Variants in MTRF1 observed in about 807,000 individuals in gnomAD.
MTRF1 encodes the protein peptide chain release factor 1, mitochondrial.
MTRF1 carries 51 observed loss-of-function variants against 62.9 expected under a neutral mutation model. The ratio of observed to expected loss-of-function variants is 0.81; its 90% CI spans 0.65 to 1.02. MTRF1 has a LOEUF of 1.02. MTRF1 is among the 50% of genes least tolerant of loss of function. The pLI is 0.00. For synonymous variants in MTRF1, 158 were observed against 181.9 expected, an observed-to-expected ratio of 0.87 and a Z score of 1.06; for missense variants, 446 against 530.0, an observed-to-expected ratio of 0.84 and a Z score of 1.56.
At chr13:41,288,859 G>A in the MTRF1 span, among the ~76,000 whole-genome samples, 1 of 152,178 alleles carries the variant, frequency 6.6e-6, no homozygotes, top group Non-Finnish European at 1.5e-5. Flanking sequence ...AATGCATTTG[G>A]TTCAGGAACT....
chr13:41,305,855 T>TGTCCCTCATAGGACTTGCTTTAA, the MTRF1 span, among the ~76,000 whole-genome samples: 2 of 152,256 alleles, frequency 1.3e-5, no homozygotes, highest in Non-Finnish European at 2.9e-5. Flanking sequence ...CCTTGCTTTG[T>TGTCCCTCATAGGACTTGCTTTAA]GTCCCTCATA....
chr13:41,231,153 G>C (rs149405988), intron 7 of MTRF1, among the ~76,000 whole-genome samples: 251 of 152,338 alleles, frequency 1.6e-3, no homozygotes, highest in African/African-American at 5.8e-3. Flanking sequence ...AAAGTGGATG[G>C]AAGAATGGTA....
chr13:41,297,211 T>C, the MTRF1 span, among the ~76,000 whole-genome samples: 1 of 152,192 alleles, frequency 6.6e-6, no homozygotes, highest in South Asian at 2.1e-4. Flanking sequence ...CTGATTCTTT[T>C]TGTATTTTGT....
At chr13:41,255,434 G>A (rs1266837029) in intron 2 of MTRF1, among the ~76,000 whole-genome samples, 1 of 152,234 alleles carries the variant, frequency 6.6e-6, no homozygotes, top group Non-Finnish European at 1.5e-5. Flanking sequence ...ACTAATGCCT[G>A]TAATCCCAGC....
the MTRF1 span, among the ~76,000 whole-genome samples, chr13:41,275,274 C>A: frequency 2.6e-5 from 4 of 151,596 alleles, no homozygotes; most frequent in African/African-American, 9.7e-5. Flanking sequence ...GATCTCAGCT[C>A]GCTGCAAGCT....
the MTRF1 span, among the ~76,000 whole-genome samples, chr13:41,290,112 T>A: frequency 6.8e-6 from 1 of 146,058 alleles, no homozygotes; most frequent in African/African-American, 2.5e-5. Flanking sequence ...TTTTTTTTTT[T>A]TTGAGATGGA....
intron 1 of MTRF1, chr13:41,261,675 A>G (rs2040470390): frequency 3.1e-6 from 1 of 325,498 alleles, no homozygotes; most frequent in Non-Finnish European, 4.4e-6. Context: ...CTAGATATCC[A>G]AGGAAGTCAA....
At chr13:41,272,502 A>T in the MTRF1 span, among the ~76,000 whole-genome samples, 4 of 152,216 alleles carry the variant, frequency 2.6e-5, no homozygotes, top group African/African-American at 9.7e-5. Context: ...CACTCAGATT[A>T]GACCAACTGA....
intron 9 of MTRF1, among the ~76,000 whole-genome samples, chr13:41,221,282 C>T (rs1160265213): frequency 6.6e-6 from 1 of 151,956 alleles, no homozygotes; most frequent in East Asian, 1.9e-4. Flanking sequence ...TCAACCTCCC[C>T]AGTAGCTGGG....
rs2033761047 is a variant in MTRF1, at chr13:41,223,225, A to C, written c.1224+31T>G. The C allele has an allele frequency of 2.7e-6, 4 of 1,473,840 alleles. No individual in the cohort carries two copies. In the Admixed American group the frequency reaches 7.0e-5, roughly 26 times the overall value. The allele number at this position is 1,473,840 out of a possible 1,614,324, so 91.3% of individuals were successfully genotyped here. A position where few individuals can be genotyped will look rare whatever the true frequency, so the allele number is the denominator to read the frequency against. On this transcript the variant is annotated intron_variant, in intron 9 of 9. Transcript: ENST00000379480. ...TTGACTATATTTTCTTCTGAAATCA[A>C]AGGTAGGCAAAGCATACTCAGTAGT...
the MTRF1 span, among the ~76,000 whole-genome samples, chr13:41,312,028 C>T: frequency 6.6e-6 from 1 of 152,226 alleles, no homozygotes; most frequent in African/African-American, 2.4e-5. Context: ...TTGCACAGCA[C>T]ACCCGCATAC....
intron 5 of MTRF1, among the ~76,000 whole-genome samples, chr13:41,245,899 C>T (rs2038182768): frequency 6.6e-6 from 1 of 152,162 alleles, no homozygotes; most frequent in South Asian, 2.1e-4. Flanking sequence ...CTCTTTATCC[C>T]TGTCCTGCTC....
At chr13:41,290,387 CCACA>C in the MTRF1 span, among the ~76,000 whole-genome samples, 1 of 147,424 alleles carries the variant, frequency 6.8e-6, no homozygotes. Flanking sequence ...GCGTGAGCCA[CCACA>C]CCCAGCCTTT....
At chr13:41,249,313 G>A (rs2038715862) in intron 5 of MTRF1, among the ~76,000 whole-genome samples, 1 of 152,100 alleles carries the variant, frequency 6.6e-6, no homozygotes, top group Non-Finnish European at 1.5e-5. Context: ...AGGCCGAGGT[G>A]GGTGGATCAC....
the MTRF1 span, among the ~76,000 whole-genome samples, chr13:41,273,211 A>C: frequency 6.6e-6 from 1 of 151,890 alleles, no homozygotes; most frequent in African/African-American, 2.4e-5. Flanking sequence ...CTGTAGTCCC[A>C]GTTGCTCGGG....
intron 5 of MTRF1, among the ~76,000 whole-genome samples, chr13:41,250,336 C>T (rs1010927981): frequency 6.6e-6 from 1 of 152,134 alleles, no homozygotes; most frequent in Non-Finnish European, 1.5e-5. Flanking sequence ...CATGGCCATT[C>T]TCCAAAGCTT....
chr13:41,276,629 C>G, the MTRF1 span, among the ~76,000 whole-genome samples: 1 of 152,044 alleles, frequency 6.6e-6, no homozygotes, highest in African/African-American at 2.4e-5. Flanking sequence ...TCTAGCCAAC[C>G]CCTCTCTTGC....
the MTRF1 span, chr13:41,288,210 C>A: frequency 2.2e-6 from 1 of 459,646 alleles, no homozygotes; most frequent in South Asian, 1.6e-5. Context: ...GAATAATTGT[C>A]AAAGACAATA....
chr13:41,251,456 C>T (rs1303135402), intron 5 of MTRF1, among the ~76,000 whole-genome samples: 4 of 152,212 alleles, frequency 2.6e-5, no homozygotes, highest in East Asian at 3.9e-4. Context: ...CCTACTTCAG[C>T]GATTACTTCC....
Sources: gnomAD v4.1 joint callset for allele counts (sites outside exome capture counted in the v4.1 genomes callset) on GRCh38, gnomAD v4.1.1 for gene constraint, MANE v1.5 for transcripts, NCBI Gene and HGNC (gene_info 2026-07-23, HGNC 2026-07-21) for gene names.